Variants in C12orf42 observed in about 807,000 individuals in gnomAD.
C12orf42 encodes the protein chromosome 12 open reading frame 42, also known as uncharacterized protein C12orf42.
A neutral mutation model predicts 21.6 loss-of-function variants in C12orf42; 25 were observed. The observed-to-expected ratio is 1.16, with a 90% confidence interval of 0.84 to 1.62. The LOEUF (loss-of-function observed/expected upper bound fraction) is 1.62, where lower values mean the gene tolerates loss of function less well. Ranked by LOEUF, C12orf42 falls within the 40% of genes most tolerant of loss-of-function variation. The probability of loss-of-function intolerance (pLI) is 0.00; values close to 1 mark genes in which losing one functional copy is unlikely to be tolerated. For missense variants in C12orf42, 483 were observed against 459.3 expected, an observed-to-expected ratio of 1.05 and a Z score of -0.47; for synonymous variants, 174 against 175.0, an observed-to-expected ratio of 0.99 and a Z score of 0.05.
chr12:103,132,380 G>T, the C12orf42 span, among the ~76,000 whole-genome samples: 3 of 152,068 alleles, frequency 2.0e-5, no homozygotes, highest in African/African-American at 7.2e-5. Flanking sequence ...GACCCTCAGT[G>T]GTCCATATTC....
chr12:103,468,222 CCTG>C (rs1743793909), intron 2 of C12orf42, among the ~76,000 whole-genome samples: 1 of 152,086 alleles, frequency 6.6e-6, no homozygotes, highest in Non-Finnish European at 1.5e-5. Context: ...TGATTTTGAG[CCTG>C]CTTTCAAATT....
intron 2 of C12orf42, among the ~76,000 whole-genome samples, chr12:103,452,796 T>A (rs1952034061): frequency 6.6e-6 from 1 of 151,728 alleles, no homozygotes. Context: ...AAACACCAAA[T>A]GTTCTCACTC....
intron 10 of C12orf42, among the ~76,000 whole-genome samples, chr12:103,261,549 T>C (rs891729945): frequency 2.0e-5 from 3 of 151,920 alleles, no homozygotes; most frequent in African/African-American, 4.8e-5. Context: ...TTTTTCTGTT[T>C]GTATTTCCGT....
the C12orf42 span, among the ~76,000 whole-genome samples, chr12:103,062,203 T>G: frequency 4.6e-5 from 7 of 151,292 alleles, no homozygotes; most frequent in African/African-American, 1.7e-4. Flanking sequence ...ATTATTTATT[T>G]ATATATATAC....
At chr12:103,250,726 C>G (rs2034256847) in intron 10 of C12orf42, among the ~76,000 whole-genome samples, 1 of 152,052 alleles carries the variant, frequency 6.6e-6, no homozygotes, top group African/African-American at 2.4e-5. Flanking sequence ...TATTTTCTAT[C>G]TTTCTTGTTT....
intron 1 of C12orf42, among the ~76,000 whole-genome samples, chr12:103,482,694 C>T (rs1041494124): frequency 1.3e-5 from 2 of 152,010 alleles, no homozygotes; most frequent in African/African-American, 4.8e-5. Context: ...TAAATATTAC[C>T]TCTCAACTTA....
At chr12:103,060,875 A>C in the C12orf42 span, among the ~76,000 whole-genome samples, 1 of 152,262 alleles carries the variant, frequency 6.6e-6, no homozygotes, top group African/African-American at 2.4e-5. Context: ...AAACCCCAGA[A>C]AAAAACCTAT....
Position 103,302,414 on chromosome 12 carries a change from G to T in C12orf42, c.777C>A (p.Asp259Glu). 6.2e-7 allele frequency: 1 copy of T among 1,613,898 alleles called. No individual in the cohort carries two copies. Residue 259 changes from aspartate to glutamate, a missense_variant, in exon 6 of 6, where the codon GAC becomes GAA. Physicochemically the swap from Asp to Glu is conservative, Grantham distance 45 (BLOSUM62 2). Transcript: ENST00000548883. ...AVPAGAQAHP[D>E]DIQSRLLGAS... ...CGCCCAGGAGTCTGCTTTGGATGTC[G>T]TCGGGGTGTGCCTGAGCGCCTGCTG...
At chr12:103,061,853 T>C in the C12orf42 span, among the ~76,000 whole-genome samples, 3 of 152,012 alleles carry the variant, frequency 2.0e-5, no homozygotes, top group Admixed American at 6.6e-5. Flanking sequence ...TATTTACTTA[T>C]ATTGTTGATT....
At chr12:103,440,972 T>A (rs2137295069) in intron 2 of C12orf42, among the ~76,000 whole-genome samples, 1 of 152,316 alleles carries the variant, frequency 6.6e-6, no homozygotes, top group Admixed American at 6.5e-5. Flanking sequence ...TTCTGCTATG[T>A]TTGAATTTGG....
At chr12:103,457,314 A>T (rs1952366292) in intron 2 of C12orf42, among the ~76,000 whole-genome samples, 1 of 152,216 alleles carries the variant, frequency 6.6e-6, no homozygotes, top group Non-Finnish European at 1.5e-5. Flanking sequence ...CTTTTAAGGC[A>T]GTTAGTAAAA....
chr12:103,171,295 A>G, the C12orf42 span, among the ~76,000 whole-genome samples: 17 of 152,124 alleles, frequency 1.1e-4, no homozygotes, highest in African/African-American at 4.1e-4. Context: ...TTTATTGTCT[A>G]TCTTCCCTTC....
chr12:103,530,299 G>T, the C12orf42 span, among the ~76,000 whole-genome samples: 115 of 152,328 alleles, frequency 7.5e-4, 2 homozygotes, highest in East Asian at 0.012. Context: ...CTTATGAAGA[G>T]CGTGATGTGG....
chr12:103,415,372 G>T (rs2049222682), intron 2 of C12orf42, among the ~76,000 whole-genome samples: 1 of 151,912 alleles, frequency 6.6e-6, no homozygotes, highest in Non-Finnish European at 1.5e-5. Context: ...AATCATCAAG[G>T]CAGAAAACTA....
chr12:103,154,690 G>T, the C12orf42 span, among the ~76,000 whole-genome samples: 1 of 152,024 alleles, frequency 6.6e-6, no homozygotes, highest in Admixed American at 6.6e-5. Flanking sequence ...ATATTTTGCC[G>T]ATTTTCTATA....
chr12:103,133,476 T>C, the C12orf42 span, among the ~76,000 whole-genome samples: 1 of 152,186 alleles, frequency 6.6e-6, no homozygotes, highest in Admixed American at 6.5e-5. Context: ...ATCTCACTGC[T>C]GTCACTACTG....
intron 10 of C12orf42, among the ~76,000 whole-genome samples, chr12:103,259,491 C>CTGGT (rs1323004591): frequency 1.3e-5 from 2 of 152,148 alleles, no homozygotes; most frequent in African/African-American, 2.4e-5. Context: ...ATTTGCCAGG[C>CTGGT]TGGTCTTGAA....
At chr12:103,419,572 T>A (rs998526670) in intron 2 of C12orf42, among the ~76,000 whole-genome samples, 3 of 152,120 alleles carry the variant, frequency 2.0e-5, no homozygotes, top group African/African-American at 7.2e-5. Flanking sequence ...TAAAGACCAG[T>A]GACTCCAACT....
chr12:103,354,450 A>G (rs1207110771), intron 4 of C12orf42, among the ~76,000 whole-genome samples: 3 of 152,146 alleles, frequency 2.0e-5, no homozygotes, highest in Non-Finnish European at 4.4e-5. Context: ...CCTCCAAGGT[A>G]ACATTCTGAG....
Sources: allele counts gnomAD v4.1 joint callset (sites outside exome capture counted in the v4.1 genomes callset), GRCh38; gene constraint gnomAD v4.1.1; transcripts MANE v1.5; gene names NCBI Gene and HGNC (gene_info 2026-07-23, HGNC 2026-07-21).